Variants in UNC13C observed in about 807,000 individuals in gnomAD.
The protein encoded by UNC13C is unc-13 homolog C.
In UNC13C, 174 loss-of-function variants were observed where a neutral mutation model predicts 245.4. The observed-to-expected ratio is 0.71, with a 90% CI of 0.63 to 0.80. The LOEUF is 0.80. Ranked by LOEUF, UNC13C falls within the 30% of genes least tolerant of loss-of-function variation. The pLI is 0.00. For synonymous variants in UNC13C, 992 were observed against 895.1 expected (o/e 1.11, Z -1.93); for missense variants, 2,829 against 2,602.9 (o/e 1.09, Z -1.89).
intron 4 of UNC13C, among the ~76,000 whole-genome samples, chr15:54,196,853 A>C (rs1483832449): frequency 1.3e-5 from 2 of 152,180 alleles, no homozygotes; most frequent in Admixed American, 6.6e-5. Flanking sequence ...AAAAACCTAA[A>C]GGAACAGTCA....
At chr15:54,602,369 G>A (rs1471372532) in intron 30 of UNC13C, among the ~76,000 whole-genome samples, 2 of 152,164 alleles carry the variant, frequency 1.3e-5, no homozygotes, top group Non-Finnish European at 2.9e-5. Context: ...AGAATAGGAA[G>A]AAAATCCTCT....
chr15:54,030,327 C>T (rs1896305035), intron 2 of UNC13C, among the ~76,000 whole-genome samples: 1 of 152,122 alleles, frequency 6.6e-6, no homozygotes, highest in African/African-American at 2.4e-5. Flanking sequence ...AGTTAACGCC[C>T]CTTAAGCAGA....
At chr15:53,974,579 G>A (rs543935179), upstream of UNC13C, among the ~76,000 whole-genome samples, 46 of 152,290 alleles carry the variant, frequency 3.0e-4, no homozygotes, top group South Asian at 3.3e-3. Flanking sequence ...TTATGAAAGC[G>A]CTTAGAAGGC....
chr15:54,182,434 G>T (rs562899332), intron 4 of UNC13C, among the ~76,000 whole-genome samples: 3 of 152,046 alleles, frequency 2.0e-5, no homozygotes, highest in Non-Finnish European at 2.9e-5. Context: ...AATTCAGTTT[G>T]TTAGTATTTT....
intron 1 of UNC13C, among the ~76,000 whole-genome samples, chr15:54,000,529 A>G (rs968419498): frequency 1.3e-5 from 2 of 152,180 alleles, no homozygotes; most frequent in African/African-American, 2.4e-5. Flanking sequence ...TAGATGATCT[A>G]TCAAGTGGTT....
At chr15:53,872,764 C>T in the UNC13C span, among the ~76,000 whole-genome samples, 1 of 152,166 alleles carries the variant, frequency 6.6e-6, no homozygotes, top group Non-Finnish European at 1.5e-5. Context: ...ATTCAAGATT[C>T]TTACAATCTG....
chr15:54,313,112 T>A (rs2037918291), intron 13 of UNC13C, among the ~76,000 whole-genome samples: 1 of 151,780 alleles, frequency 6.6e-6, no homozygotes, highest in Admixed American at 6.6e-5. Context: ...AATATTTCTG[T>A]CAGCTTTCTA....
intron 2 of UNC13C, among the ~76,000 whole-genome samples, chr15:54,094,087 G>C (rs1397037449): frequency 6.6e-6 from 1 of 152,096 alleles, no homozygotes; most frequent in Non-Finnish European, 1.5e-5. Context: ...TGACTGAGTG[G>C]AGGCAGCAAT....
chr15:53,991,065 T>C (rs566953410), intron 1 of UNC13C, among the ~76,000 whole-genome samples: 38 of 152,142 alleles, frequency 2.5e-4, no homozygotes, highest in African/African-American at 7.5e-4. Context: ...TTTTATCTAC[T>C]GGGGGCACAG....
At chr15:54,571,889 A>G (rs529511656) in intron 30 of UNC13C, among the ~76,000 whole-genome samples, 1 of 152,358 alleles carries the variant, frequency 6.6e-6, no homozygotes, top group South Asian at 2.1e-4. Flanking sequence ...TATTCTACAT[A>G]TACAGCACTC....
chr15:54,577,393 A>G (rs1898001355), intron 30 of UNC13C, among the ~76,000 whole-genome samples: 1 of 152,176 alleles, frequency 6.6e-6, no homozygotes, highest in African/African-American at 2.4e-5. Flanking sequence ...TAGGTAAATT[A>G]CCATGAAAGT....
At chr15:54,171,172 C>T (rs1000297122) in intron 4 of UNC13C, among the ~76,000 whole-genome samples, 4 of 152,022 alleles carry the variant, frequency 2.6e-5, no homozygotes, top group Admixed American at 2.0e-4. Flanking sequence ...CCCTAGGTTG[C>T]GAGCACTCAC....
intron 4 of UNC13C, among the ~76,000 whole-genome samples, chr15:54,184,602 A>C (rs959730077): frequency 2.8e-4 from 42 of 152,166 alleles, no homozygotes; most frequent in Non-Finnish European, 4.4e-4. Context: ...TGAACTCATC[A>C]TTTTTTATGG....
At chr15:54,443,731 T>C (rs1248882943) in intron 19 of UNC13C, among the ~76,000 whole-genome samples, 1 of 152,062 alleles carries the variant, frequency 6.6e-6, no homozygotes, top group African/African-American at 2.4e-5. Context: ...GTCCTCTTTG[T>C]ATTGATTTCT....
intron 4 of UNC13C, among the ~76,000 whole-genome samples, chr15:54,198,015 G>A (rs28576113): frequency 0.081 from 12,386 of 152,066 alleles, 700 homozygotes; most frequent in African/African-American, 0.15. Context: ...TAGGACTGCA[G>A]GCTGTGTGGG....
At chr15:54,421,044 A>G (rs1181365997) in intron 19 of UNC13C, among the ~76,000 whole-genome samples, 1 of 152,066 alleles carries the variant, frequency 6.6e-6, no homozygotes, top group Non-Finnish European at 1.5e-5. Flanking sequence ...CCTATTTAGC[A>G]CTTGCTAGGT....
chr15:54,141,018 G>A (rs1172988748), intron 2 of UNC13C, among the ~76,000 whole-genome samples: 1 of 152,158 alleles, frequency 6.6e-6, no homozygotes, highest in Non-Finnish European at 1.5e-5. Flanking sequence ...TGATGACCTT[G>A]TTAAGATTAC....
At chr15:54,414,674 G>T (rs921006315) in intron 18 of UNC13C, among the ~76,000 whole-genome samples, 1 of 151,848 alleles carries the variant, frequency 6.6e-6, no homozygotes, top group Non-Finnish European at 1.5e-5. Flanking sequence ...TGGAGTCTTC[G>T]ATAAAAGTGA....
At chr15:54,573,576 C>G (rs1182797162) in intron 30 of UNC13C, among the ~76,000 whole-genome samples, 1 of 152,074 alleles carries the variant, frequency 6.6e-6, no homozygotes, top group Non-Finnish European at 1.5e-5. Flanking sequence ...ACTGAGTGTC[C>G]CCTCTGGGCT....
Sources: allele counts gnomAD v4.1 joint callset (sites outside exome capture counted in the v4.1 genomes callset), GRCh38; gene constraint gnomAD v4.1.1; transcripts MANE v1.5; gene names NCBI Gene and HGNC (gene_info 2026-07-23, HGNC 2026-07-21).